RBMS3: variants seen among roughly 807,000 people sequenced by gnomAD.
RBMS3 encodes RNA-binding motif, single-stranded-interacting protein 3.
Under a neutral mutation model 66.8 loss-of-function variants are expected in RBMS3, and 27 were observed. The observed-to-expected ratio is 0.40, with a 90% CI of 0.30 to 0.56. The LOEUF (loss-of-function observed/expected upper bound fraction) is 0.56, where lower values mean the gene tolerates loss of function less well. RBMS3 is among the 20% of genes least tolerant of loss of function. The pLI is 0.40. For missense variants in RBMS3, 513 were observed against 549.5 expected, an observed-to-expected ratio of 0.93 and a Z score of 0.66; for synonymous variants, 188 against 183.0, an observed-to-expected ratio of 1.03 and a Z score of -0.22.
rs1398220833 is a variant in RBMS3, at chr3:29,580,717, G to A, written c.308-6397G>A. 2.0e-5 allele frequency among the ~76,000 whole-genome samples: 3 copies of A among 150,300 alleles called. No homozygotes were observed. The East Asian group carries it at 5.8e-4, about 29-fold the overall frequency. On this transcript the variant is annotated intron_variant, in intron 3 of 14. Coordinates refer to ENST00000383767, the MANE Select transcript of RBMS3 (RefSeq NM_001003793.3). Reference sequence around the variant, plus strand: ...ATAATAATAATAATAATAAAAGGAAGATCTCATTGTGGTTCAAAAATGTCA... The same window carrying A: ...ATAATAATAATAATAATAAAAGGAAAATCTCATTGTGGTTCAAAAATGTCA...
chr3:29,955,269 A>G (rs1695953937), intron 12 of RBMS3, among the ~76,000 whole-genome samples: 2 of 152,000 alleles, frequency 1.3e-5, no homozygotes, highest in African/African-American at 4.8e-5. Flanking sequence ...GCGGGTTCTC[A>G]TTCTTCTTCG....
At chr3:29,517,269 A>ATGTGTGTGTG (rs1338597930) in intron 3 of RBMS3, among the ~76,000 whole-genome samples, 2 of 120,482 alleles carry the variant, frequency 1.7e-5, no homozygotes, top group Admixed American at 1.8e-4. Context: ...GTGATTTCAT[A>ATGTGTGTGTG]TATGTGTGTG....
intron 6 of RBMS3, among the ~76,000 whole-genome samples, chr3:29,865,072 CGAA>C (rs2059323330): frequency 2.5e-5 from 2 of 79,048 alleles, no homozygotes; most frequent in Non-Finnish European, 4.4e-5. Context: ...AAGAGAGAGA[CGAA>C]GGAAGGAAGA....
At chr3:29,863,749 A>G (rs777906951) in intron 6 of RBMS3, among the ~76,000 whole-genome samples, 1 of 152,186 alleles carries the variant, frequency 6.6e-6, no homozygotes, top group Non-Finnish European at 1.5e-5. Context: ...TCTTTACAAT[A>G]AGGGAAAATG....
chr3:29,931,130 A>T (rs2061110004), intron 10 of RBMS3, among the ~76,000 whole-genome samples: 1 of 152,212 alleles, frequency 6.6e-6, no homozygotes. Flanking sequence ...AATATTAGTA[A>T]ATATTTACAG....
intron 4 of RBMS3, among the ~76,000 whole-genome samples, chr3:29,611,442 A>G (rs1481538380): frequency 6.6e-6 from 1 of 152,014 alleles, no homozygotes; most frequent in Non-Finnish European, 1.5e-5. Flanking sequence ...CTCACAGTAT[A>G]TGACAGAATG....
chr3:29,507,495 G>A (rs1179176138), intron 3 of RBMS3, among the ~76,000 whole-genome samples: 2 of 120,582 alleles, frequency 1.7e-5, no homozygotes, highest in African/African-American at 7.2e-5. Context: ...GATATTAATT[G>A]CGAAAAAAAA....
intron 7 of RBMS3, among the ~76,000 whole-genome samples, chr3:29,878,900 T>G (rs2059672528): frequency 1.3e-5 from 2 of 151,868 alleles, no homozygotes; most frequent in African/African-American, 4.8e-5. Context: ...TAAATAAAAT[T>G]AGCTGGGCTT....
intron 4 of RBMS3, among the ~76,000 whole-genome samples, chr3:29,681,421 T>G (rs1196305825): frequency 6.6e-6 from 1 of 152,162 alleles, no homozygotes. Context: ...TGTGCTCTGG[T>G]GGTTTGGATC....
At chr3:29,714,098 A>G (rs1049701093) in intron 4 of RBMS3, among the ~76,000 whole-genome samples, 42 of 143,846 alleles carry the variant, frequency 2.9e-4, no homozygotes, top group African/African-American at 1.1e-3. Context: ...ACTATTTTTA[A>G]CAAATATTTA....
intron 1 of RBMS3, among the ~76,000 whole-genome samples, chr3:29,311,946 A>G (rs2034402406): frequency 6.6e-6 from 1 of 151,790 alleles, no homozygotes; most frequent in South Asian, 2.1e-4. Context: ...CTTGAGTTGG[A>G]TCAGAGATTC....
At chr3:29,386,519 G>A (rs376793847) in intron 1 of RBMS3, among the ~76,000 whole-genome samples, 29 of 151,962 alleles carry the variant, frequency 1.9e-4, no homozygotes, top group African/African-American at 6.5e-4. Context: ...AGGGTCCTTC[G>A]TAGCAAAGAT....
intron 1 of RBMS3, among the ~76,000 whole-genome samples, chr3:29,427,165 G>A (rs2040991760): frequency 6.6e-6 from 1 of 152,226 alleles, no homozygotes; most frequent in South Asian, 2.1e-4. Flanking sequence ...GGTAGGAAAA[G>A]AGAAGTAGGA....
intron 12 of RBMS3, among the ~76,000 whole-genome samples, chr3:29,963,552 G>A (rs1185412324): frequency 6.6e-6 from 1 of 152,172 alleles, no homozygotes; most frequent in Non-Finnish European, 1.5e-5. Flanking sequence ...CATTGGCTAA[G>A]CTCGGTGTCT....
intron 3 of RBMS3, among the ~76,000 whole-genome samples, chr3:29,517,271 ATGTGTGTGTGTGTG>A (rs58702096): frequency 3.9e-4 from 50 of 129,642 alleles, no homozygotes; most frequent in Admixed American, 8.0e-4. Context: ...GATTTCATAT[ATGTGTGTGTGTGTG>A]TGTGTGTGTG....
chr3:29,578,147 A>G (rs1267086091), intron 3 of RBMS3, among the ~76,000 whole-genome samples: 1 of 152,214 alleles, frequency 6.6e-6, no homozygotes, highest in Admixed American at 6.5e-5. Context: ...GGGTGTCCCT[A>G]ATACATAGAA....
chr3:29,378,840 A>C (rs1174569685), intron 1 of RBMS3, among the ~76,000 whole-genome samples: 1 of 142,862 alleles, frequency 7.0e-6, no homozygotes, highest in Non-Finnish European at 1.5e-5. Context: ...TCAAAATTAA[A>C]ACAAAAAAAT....
intron 1 of RBMS3, among the ~76,000 whole-genome samples, chr3:29,298,557 A>G (rs2033449480): frequency 6.6e-6 from 1 of 151,858 alleles, no homozygotes; most frequent in Admixed American, 6.6e-5. Flanking sequence ...TAAAGCTAAG[A>G]CAAAAATATT....
chr3:29,962,953 A>G (rs569787204), intron 12 of RBMS3, among the ~76,000 whole-genome samples: 1 of 151,488 alleles, frequency 6.6e-6, no homozygotes, highest in South Asian at 2.1e-4. Context: ...TATTGTGCAT[A>G]TATTTACTTA....
Sources: gnomAD v4.1 joint callset for allele counts (sites outside exome capture counted in the v4.1 genomes callset) on GRCh38, gnomAD v4.1.1 for gene constraint, MANE v1.5 for transcripts, NCBI Gene and HGNC (gene_info 2026-07-23, HGNC 2026-07-21) for gene names.